NRP1: variants seen among roughly 807,000 people sequenced by gnomAD.
NRP1 encodes the protein neuropilin 1.
Under a neutral mutation model 106.7 loss-of-function variants are expected in NRP1, and 35 were observed. The observed-to-expected ratio is 0.33, with a 90% confidence interval of 0.25 to 0.43. NRP1 has a LOEUF of 0.43. Among genes scored for constraint, NRP1 ranks in the 20% least tolerant of loss-of-function variants. The pLI, the probability that NRP1 is intolerant of heterozygous loss-of-function variation, is 1.00. For missense variants in NRP1, 1,024 were observed against 1,170.4 expected, an observed-to-expected ratio of 0.87 and a Z score of 1.83; for synonymous variants, 437 against 417.9, an observed-to-expected ratio of 1.05 and a Z score of -0.56.
chr10:33,206,858 G>A (rs1057052204), intron 10 of NRP1, among the ~76,000 whole-genome samples: 1 of 152,154 alleles, frequency 6.6e-6, no homozygotes, highest in Non-Finnish European at 1.5e-5. Context: ...TGCAGCCATG[G>A]GGTCAGTGCG....
chr10:33,328,591 G>A (rs61843242), intron 2 of NRP1, among the ~76,000 whole-genome samples: 33 of 152,170 alleles, frequency 2.2e-4, no homozygotes, highest in Non-Finnish European at 3.4e-4. Flanking sequence ...TGATTCAACT[G>A]GCTTCCCTTC....
At chr10:33,317,957 G>T (rs74129655) in intron 2 of NRP1, among the ~76,000 whole-genome samples, 3,078 of 152,324 alleles carry the variant, frequency 0.02, 89 homozygotes, top group African/African-American at 0.068. Flanking sequence ...TCCTAAGGAT[G>T]CAGACGTTAC....
At chr10:33,229,181 A>T (rs978377613) in intron 6 of NRP1, among the ~76,000 whole-genome samples, 3 of 152,196 alleles carry the variant, frequency 2.0e-5, no homozygotes, top group African/African-American at 7.2e-5. Flanking sequence ...GCTTACATAA[A>T]ATTCAAATTT....
At chr10:33,319,961 C>T (rs1192225450) in intron 2 of NRP1, among the ~76,000 whole-genome samples, 3 of 151,914 alleles carry the variant, frequency 2.0e-5, no homozygotes, top group East Asian at 2.0e-4. Context: ...AGCTAGACCG[C>T]GAACCCACCG....
chr10:33,334,341 G>C lies in NRP1; in HGVS notation c.42C>G (p.Leu14=). Residue 14 remains leucine (L), a synonymous_variant, in exon 1 of 17, where the codon CTC becomes CTG. Coordinates refer to ENST00000374867, the MANE Select transcript of NRP1 (RefSeq NM_003873.7). ...GLPLLCAVLA[L]VLAPAGAFRN... ...GAAAAGCGCCGGCCGGGGCGAGGAC[G>C]AGGGCGAGCACGGCGCAGAGGAGCG... is the stretch of plus-strand genomic sequence containing the variant. 1 of 1,546,144 alleles carries C rather than the reference G, an allele frequency of 6.5e-7. No individual in the cohort carries two copies.
chr10:33,312,457 A>G (rs1031192145), intron 2 of NRP1, among the ~76,000 whole-genome samples: 4 of 152,242 alleles, frequency 2.6e-5, no homozygotes, highest in Non-Finnish European at 5.9e-5. Context: ...GAGCTTCGAA[A>G]TGATGATGGA....
chr10:33,305,984 G>T (rs1025120917), intron 2 of NRP1, among the ~76,000 whole-genome samples: 2 of 151,980 alleles, frequency 1.3e-5, no homozygotes, highest in African/African-American at 4.8e-5. Flanking sequence ...GGCCAGGCTG[G>T]TCTCGAACTC....
chr10:33,240,775 C>T (rs1321911523), intron 6 of NRP1, among the ~76,000 whole-genome samples: 1 of 152,086 alleles, frequency 6.6e-6, no homozygotes, highest in Admixed American at 6.5e-5. Flanking sequence ...GGCTGCCAGC[C>T]TAAGGTTATA....
chr10:33,284,803 T>C (rs1844397390), intron 2 of NRP1, among the ~76,000 whole-genome samples: 1 of 152,228 alleles, frequency 6.6e-6, no homozygotes, highest in Admixed American at 6.5e-5. Flanking sequence ...TTAACTTGGT[T>C]AAACCCAACA....
At chr10:33,311,410 G>A (rs570644961) in intron 2 of NRP1, among the ~76,000 whole-genome samples, 4 of 152,324 alleles carry the variant, frequency 2.6e-5, no homozygotes, top group Admixed American at 6.5e-5. Context: ...AAGCTGGAAA[G>A]GCATGGAGGC....
chr10:33,283,417 G>A (rs1405173053), intron 2 of NRP1, among the ~76,000 whole-genome samples: 1 of 152,054 alleles, frequency 6.6e-6, no homozygotes, highest in Non-Finnish European at 1.5e-5. Flanking sequence ...TGAACTTCTA[G>A]TAGTCTTACT....
chr10:33,227,742 G>T (rs1251673342), intron 6 of NRP1, among the ~76,000 whole-genome samples: 1 of 152,138 alleles, frequency 6.6e-6, no homozygotes, highest in African/African-American at 2.4e-5. Flanking sequence ...AATCTCGAGG[G>T]TCTGTGTTTT....
At chr10:33,231,317 C>A (rs1047186595) in intron 6 of NRP1, among the ~76,000 whole-genome samples, 1 of 152,168 alleles carries the variant, frequency 6.6e-6, no homozygotes, top group Non-Finnish European at 1.5e-5. Context: ...ACTGAAAATT[C>A]ATAAAATGCA....
Position 33,325,902 on chromosome 10 carries a change from C to T in NRP1, c.248+4806G>A, listed in dbSNP as rs146676134. ...GTGCCATGATATGAAACAGCACTGT[C>T]AAATCAGACACTGAAGTCGGTAAGT... On this transcript the variant is annotated intron_variant, in intron 2 of 16. Transcript: ENST00000374867. Among the ~76,000 whole-genome samples the T allele has an allele frequency of 3.3e-5, 5 of 152,296 alleles. No individual in the cohort carries two copies. In the East Asian group the frequency reaches 9.6e-4, roughly 29 times the overall value.
At chr10:33,258,149 T>A (rs1842327247) in intron 4 of NRP1, among the ~76,000 whole-genome samples, 1 of 152,180 alleles carries the variant, frequency 6.6e-6, no homozygotes, top group Non-Finnish European at 1.5e-5. Flanking sequence ...AAGTACCAGC[T>A]GTGTTCCTAG....
At chr10:33,257,116 C>T (rs1842250228) in intron 4 of NRP1, among the ~76,000 whole-genome samples, 1 of 152,158 alleles carries the variant, frequency 6.6e-6, no homozygotes, top group Admixed American at 6.5e-5. Context: ...AAGTTGGAGA[C>T]TACATATACC....
intron 2 of NRP1, among the ~76,000 whole-genome samples, chr10:33,312,362 T>C (rs112350958): frequency 1.0e-3 from 157 of 152,358 alleles, no homozygotes; most frequent in African/African-American, 3.6e-3. Context: ...TTTATCATTA[T>C]ACATTTTGGG....
intron 8 of NRP1, among the ~76,000 whole-genome samples, chr10:33,218,789 T>C (rs1162616926): frequency 6.6e-6 from 1 of 152,230 alleles, no homozygotes; most frequent in Admixed American, 6.5e-5. Flanking sequence ...GATTGAATTG[T>C]GACTACTCAG....
chr10:33,213,831 A>C, intron 8 of NRP1, 114 bp from the exon 9 acceptor site: 1 of 811,024 alleles, frequency 1.2e-6, no homozygotes, highest in Non-Finnish European at 1.9e-6. Flanking sequence ...ATCATATACA[A>C]TTTTCAGTCT....
Sources: gnomAD v4.1 joint callset for allele counts (sites outside exome capture counted in the v4.1 genomes callset) on GRCh38, gnomAD v4.1.1 for gene constraint, MANE v1.5 for transcripts, NCBI Gene and HGNC (gene_info 2026-07-23, HGNC 2026-07-21) for gene names.